The following IFITM10 variants were observed in gnomAD, a reference collection of about 807,000 sequenced individuals.
The protein encoded by IFITM10 is interferon-induced transmembrane protein 10.
In IFITM10, 17 loss-of-function variants were observed where a neutral mutation model predicts 19.0. The ratio of observed to expected loss-of-function variants is 0.90; its 90% confidence interval spans 0.61 to 1.34. IFITM10 has a LOEUF of 1.34. IFITM10 is among the 40% of genes most tolerant of loss of function. IFITM10 has a pLI of 0.00. For synonymous variants in IFITM10, 148 were observed against 147.2 expected, an observed-to-expected ratio of 1.01 and a Z score of -0.04; for missense variants, 306 against 319.8, an observed-to-expected ratio of 0.96 and a Z score of 0.33.
intron 1 of IFITM10, chr11:1,749,215 G>A (rs1023461842): frequency 4.0e-6 from 2 of 499,224 alleles, no homozygotes; most frequent in African/African-American, 2.1e-5. Context: ...CAGACCGGCC[G>A]CGCGGCTGCA....
rs535051255 is a variant in IFITM10, at chr11:1,735,969, T to G, written c.538-540A>C. Among the ~76,000 whole-genome samples, 5 of 152,194 alleles carry G rather than the reference T, an allele frequency of 3.3e-5. No homozygotes were observed. The South Asian group carries it at 1.0e-3, about 32-fold the overall frequency. On this transcript the variant is annotated intron_variant, in intron 2 of 2. Transcript: ENST00000340134. ...TCCACAGGGCCTTTGGGGAGGAATA[T>G]TAAGGCGAAAGGAGTGGGCTGGCAC...
intron 2 of IFITM10, among the ~76,000 whole-genome samples, chr11:1,737,303 TACTA>T (rs1851097936): frequency 6.6e-6 from 1 of 152,276 alleles, no homozygotes; most frequent in Admixed American, 6.5e-5. Context: ...TATCATATTG[TACTA>T]ACTGACCACG....
Position 1,747,029 on chromosome 11 carries a change from G to A in IFITM10, c.537+638C>T, listed in dbSNP as rs952772205. ...CTCCACCTTGCCCTCAGGGGGACAG[G>A]GTCATGTCTGCCCAGCACCTGCTCT... On this transcript the variant is annotated intron_variant, in intron 2 of 2. Transcript: ENST00000340134. 6.6e-5 allele frequency among the ~76,000 whole-genome samples: 10 copies of A among 152,082 alleles called. No individual in the cohort carries two copies. The East Asian group carries it at 1.7e-3, about 26-fold the overall frequency.
At chr11:1,749,233 G>C (rs1462262141) in intron 1 of IFITM10, 1 of 350,910 alleles carries the variant, frequency 2.8e-6, no homozygotes, top group African/African-American at 2.2e-5. Context: ...GCAGCCCAGA[G>C]CCTGACTCAC....
At position 1,735,205 on chromosome 11, in the gene IFITM10, A is replaced by G; in HGVS notation, c.*75T>C. The G allele has an allele frequency of 6.8e-7, 1 of 1,480,560 alleles. No homozygotes were observed. Among genetic ancestry groups the G allele is most frequent in the Non-Finnish European group, 9.1e-7 (1 of 1,094,468 alleles). 91.7% of individuals were successfully genotyped at this position (1,480,560 alleles called of 1,614,324 possible). On this transcript the variant is annotated 3_prime_UTR_variant, in exon 3 of 3. Transcript: ENST00000340134. Reference sequence around the variant, plus strand: ...CCCTGCCCTGCCCCAACCTCATGGGATCCTGCGTTTCAGGGACCATGAGAA... The same window carrying G: ...CCCTGCCCTGCCCCAACCTCATGGGGTCCTGCGTTTCAGGGACCATGAGAA...
rs970943646 is a variant in IFITM10 at position 1,732,987 on chromosome 11, C to T, written c.*2293G>A. 2 of 152,208 alleles carry T rather than the reference C, an allele frequency of 1.3e-5. No homozygotes were observed. The highest frequency in any genetic ancestry group is 2.9e-5 in the Non-Finnish European group (2 of 68,064). The allele number at this position is 152,208 out of a possible 1,614,324, so 9.4% of individuals were successfully genotyped here. A position where few individuals can be genotyped will look rare whatever the true frequency, so the allele number is the denominator to read the frequency against. ...CTACTTTCTTCCCTCCCAGGCATAA[C>T]ATGGAAGACACCTGGACACTGGGGT... On this transcript the variant is annotated 3_prime_UTR_variant, in exon 3 of 3. Coordinates refer to ENST00000340134, the MANE Select transcript of IFITM10 (RefSeq NM_001170820.4).
chr11:1,745,428 T>C (rs531161375), intron 2 of IFITM10: 3 of 152,356 alleles, frequency 2.0e-5, no homozygotes, highest in Non-Finnish European at 4.4e-5. Flanking sequence ...CAGCTGGAGC[T>C]GGTCGGAAGC....
In IFITM10 at chr11:1,750,468, G is replaced by T. The variant is rs996534613; in HGVS notation, c.-26C>A. ...CTCTCTCCAAGCCCCATCCTCCCATGAAACTCCTTTCTCCTCTGCCACTCT... is the reference window on the plus strand; with the variant it reads ...CTCTCTCCAAGCCCCATCCTCCCATTAAACTCCTTTCTCCTCTGCCACTCT... On this transcript the variant is annotated 5_prime_UTR_variant, in exon 1 of 3. Coordinates refer to ENST00000340134, the MANE Select transcript of IFITM10 (RefSeq NM_001170820.4). 14 of 1,550,312 alleles carry T rather than the reference G, an allele frequency of 9.0e-6. No homozygotes were observed. Among genetic ancestry groups the T allele is most frequent in the Non-Finnish European group, 1.2e-5 (14 of 1,146,916 alleles).
chr11:1,746,254 G>A (rs776268695), intron 2 of IFITM10: 4 of 253,196 alleles, frequency 1.6e-5, no homozygotes, highest in Non-Finnish European at 2.9e-5. Flanking sequence ...CACACACCAT[G>A]CCCACCCACG....
At chr11:1,748,519 C>G (rs567675218) in intron 1 of IFITM10, 1 of 186,744 alleles carries the variant, frequency 5.4e-6, no homozygotes, top group Non-Finnish European at 1.1e-5. Context: ...AGCCGCCAAC[C>G]GGCAGAGCTA....
At chr11:1,745,633 CA>C (rs1315178069) in intron 2 of IFITM10, 1 of 152,532 alleles carries the variant, frequency 6.6e-6, no homozygotes, top group East Asian at 1.9e-4. Context: ...CACTCACACA[CA>C]CTTGTGCACA....
Position 1,747,773 on chromosome 11 carries a change from T to C in IFITM10, c.431A>G (p.Tyr144Cys). The C allele has an allele frequency of 5.2e-6, 8 of 1,551,856 alleles. No homozygotes were observed. The South Asian group carries it at 9.5e-5, about 18-fold the overall frequency. ...MTNPTTVIEVYPDTTEVNDYY... is the reference protein window; with the variant it reads ...MTNPTTVIEVCPDTTEVNDYY... ...GTCGTTCACCTCGGTGGTGTCCGGG[T>C]AGACCTCGATGACGGTCGTGGGGTT... The change falls in exon 2 of 3, where the codon TAC becomes TGC. Residue 144 changes from tyrosine (Y) to cysteine (C), a missense_variant. By Grantham distance (194) the Tyr-to-Cys change is radical (BLOSUM62 -2). Coordinates refer to ENST00000340134, the MANE Select transcript of IFITM10 (RefSeq NM_001170820.4).
At chr11:1,745,172 G>GAAACATGCAGAAACAT (rs1213636532) in intron 2 of IFITM10, 1 of 152,774 alleles carries the variant, frequency 6.5e-6, no homozygotes, top group Non-Finnish European at 1.5e-5. Flanking sequence ...GCAGAAACCC[G>GAAACATGCAGAAACAT]GCACCATCCA....
At chr11:1,749,850 C>G (rs1009299057) in intron 1 of IFITM10, among the ~76,000 whole-genome samples, 2 of 152,114 alleles carry the variant, frequency 1.3e-5, no homozygotes, top group Non-Finnish European at 2.9e-5. Flanking sequence ...TCCTGCCCAT[C>G]GGAGCTCCTG....
rs1158125732 is a variant in IFITM10 at position 1,735,161 on chromosome 11, G to A, written c.*119C>T. 5.2e-6 allele frequency: 6 copies of A among 1,148,694 alleles called. No homozygotes were observed. Among genetic ancestry groups the A allele is most frequent in the Non-Finnish European group, 7.3e-6 (6 of 820,554 alleles). The allele number at this position is 1,148,694 out of a possible 1,614,324, so 71.2% of individuals were successfully genotyped here. Reference sequence around the variant, plus strand: ...CTTGCTGCCCAGTTCACAGCTCAAGGGGGCCCCAGGACAAGAAGCCCTGCC... The same window carrying A: ...CTTGCTGCCCAGTTCACAGCTCAAGAGGGCCCCAGGACAAGAAGCCCTGCC... On this transcript the variant is annotated 3_prime_UTR_variant, in exon 3 of 3. Coordinates refer to ENST00000340134, the MANE Select transcript of IFITM10 (RefSeq NM_001170820.4).
Position 1,734,942 on chromosome 11 carries a change from G to A in IFITM10, c.*338C>T, listed in dbSNP as rs1192294551. 2 of 335,426 alleles carry A rather than the reference G, an allele frequency of 6.0e-6. No homozygotes were observed. The highest frequency in any genetic ancestry group is 1.1e-5 in the Non-Finnish European group (2 of 182,846). 20.8% of individuals were successfully genotyped at this position (335,426 alleles called of 1,614,324 possible). ...TTTGCATAAGCCCTTCCTGCTAGGT[G>A]TCAGGTCCAAGGGGCCCCAGGAGCC... On this transcript the variant is annotated 3_prime_UTR_variant, in exon 3 of 3. Transcript: ENST00000340134.
At position 1,745,665 on chromosome 11, in the gene IFITM10, A is replaced by G. The variant is rs1022239354; in HGVS notation, c.537+2002T>C. 2.0e-5 allele frequency: 3 copies of G among 152,436 alleles called. No individual in the cohort carries two copies. In the East Asian group the frequency reaches 5.8e-4, roughly 30 times the overall value. 9.4% of individuals were successfully genotyped at this position (152,436 alleles called of 1,614,324 possible). Reference sequence around the variant, plus strand: ...GCACACACATTTACATGAACCACACACGTGTGATTACACACATGCACATGC... The same window carrying G: ...GCACACACATTTACATGAACCACACGCGTGTGATTACACACATGCACATGC... On this transcript the variant is annotated intron_variant, in intron 2 of 2. Coordinates refer to ENST00000340134, the MANE Select transcript of IFITM10 (RefSeq NM_001170820.4).
chr11:1,740,230 G>T (rs1395729701), intron 2 of IFITM10, among the ~76,000 whole-genome samples: 1 of 146,854 alleles, frequency 6.8e-6, no homozygotes, highest in Non-Finnish European at 1.5e-5. Context: ...AACTCAGGAG[G>T]CGTAGGTTGC....
At position 1,733,816 on chromosome 11, in the gene IFITM10, T is replaced by C; in HGVS notation, c.*1464A>G. 6.5e-6 allele frequency: 1 copy of C among 153,098 alleles called. No individual in the cohort carries two copies. Among genetic ancestry groups the C allele is most frequent in the Non-Finnish European group, 1.5e-5 (1 of 68,750 alleles). 9.5% of individuals were successfully genotyped at this position (153,098 alleles called of 1,614,324 possible). A position where few individuals can be genotyped will look rare whatever the true frequency, so the allele number is the denominator to read the frequency against. On this transcript the variant is annotated 3_prime_UTR_variant, in exon 3 of 3. Transcript: ENST00000340134. This position sits in a 1 kb window ranked among gnomAD's most constrained non-coding sequence, Gnocchi z 6.3. ...CTGCACAGCTGCCACGCAGGCGCCC[T>C]GCTGTCCAGCCCTCTGCTGCCAGCC...
Sources: allele counts gnomAD v4.1 joint callset (sites outside exome capture counted in the v4.1 genomes callset), GRCh38; gene constraint gnomAD v4.1.1; non-coding constraint Gnocchi (gnomAD v3.1); transcripts MANE v1.5; gene names NCBI Gene and HGNC (gene_info 2026-07-23, HGNC 2026-07-21).